The following HEMK2 variants were observed in gnomAD, a reference collection of about 807,000 sequenced individuals.
The protein encoded by HEMK2 is methyltransferase HEMK2.
At chr21:28,696,824 G>A in the HEMK2 span, among the ~76,000 whole-genome samples, 3 of 152,128 alleles carry the variant, frequency 2.0e-5, no homozygotes, top group African/African-American at 4.8e-5. Flanking sequence ...CTTGACCTCT[G>A]TACACCTGCA....
At chr21:28,741,435 GGTTT>G in the HEMK2 span, among the ~76,000 whole-genome samples, 2 of 152,080 alleles carry the variant, frequency 1.3e-5, no homozygotes, top group African/African-American at 4.8e-5. Context: ...TATATGTGCA[GGTTT>G]GTTACATAGG....
At chr21:28,831,059 A>G in the HEMK2 span, among the ~76,000 whole-genome samples, 1 of 152,136 alleles carries the variant, frequency 6.6e-6, no homozygotes, top group African/African-American at 2.4e-5. Context: ...GGTATTCAGT[A>G]AAGGAGTAGA....
the HEMK2 span, among the ~76,000 whole-genome samples, chr21:28,846,482 T>C: frequency 1.3e-5 from 2 of 152,194 alleles, no homozygotes; most frequent in South Asian, 2.1e-4. Flanking sequence ...TTTTTAACAA[T>C]AGCCATTCTA....
the HEMK2 span, among the ~76,000 whole-genome samples, chr21:28,688,202 A>G: frequency 7.2e-5 from 11 of 152,334 alleles, no homozygotes; most frequent in African/African-American, 2.4e-4. Context: ...ACAATAAAGA[A>G]TGAGAGTACA....
the HEMK2 span, among the ~76,000 whole-genome samples, chr21:28,582,345 C>G: frequency 6.6e-6 from 1 of 152,048 alleles, no homozygotes; most frequent in Admixed American, 6.5e-5. Flanking sequence ...TTTTTTTTCT[C>G]AGATGGTAAG....
At chr21:28,865,161 G>GTTTTGT in the HEMK2 span, among the ~76,000 whole-genome samples, 5 of 152,094 alleles carry the variant, frequency 3.3e-5, no homozygotes, top group African/African-American at 9.6e-5. Flanking sequence ...TTTTTCTTTT[G>GTTTTGT]TTTTGTTTTT....
chr21:28,755,357 C>T, the HEMK2 span, among the ~76,000 whole-genome samples: 7 of 152,202 alleles, frequency 4.6e-5, no homozygotes, highest in Admixed American at 4.6e-4. Flanking sequence ...TACATGTACA[C>T]ACAAACACAC....
At chr21:28,581,897 A>AG in the HEMK2 span, among the ~76,000 whole-genome samples, 1 of 152,242 alleles carries the variant, frequency 6.6e-6, no homozygotes, top group Non-Finnish European at 1.5e-5. Context: ...ACATTTTAAA[A>AG]GGGGGGAAAA....
At chr21:28,840,507 T>C in the HEMK2 span, among the ~76,000 whole-genome samples, 1 of 151,342 alleles carries the variant, frequency 6.6e-6, no homozygotes, top group African/African-American at 2.4e-5. Context: ...TGAACTCAAA[T>C]CACTAAGAAA....
the HEMK2 span, among the ~76,000 whole-genome samples, chr21:28,724,673 A>G: frequency 6.6e-6 from 1 of 152,252 alleles, no homozygotes; most frequent in African/African-American, 2.4e-5. Flanking sequence ...AAAATTAGTT[A>G]TTCCAAAAGA....
At chr21:28,863,351 G>C in the HEMK2 span, among the ~76,000 whole-genome samples, 111 of 143,108 alleles carry the variant, frequency 7.8e-4, 2 homozygotes, top group East Asian at 0.021. Context: ...TCCTCAGCCT[G>C]CAGACGGCTT....
the HEMK2 span, among the ~76,000 whole-genome samples, chr21:28,838,517 GA>G: frequency 6.7e-6 from 1 of 150,312 alleles, no homozygotes; most frequent in African/African-American, 2.5e-5. Context: ...CTGGGCGACA[GA>G]GTGAGACTCT....
chr21:28,611,169 A>C, the HEMK2 span, among the ~76,000 whole-genome samples: 1 of 152,184 alleles, frequency 6.6e-6, no homozygotes, highest in Non-Finnish European at 1.5e-5. Flanking sequence ...AATCTCAACA[A>C]ATTTAAGAAA....
the HEMK2 span, among the ~76,000 whole-genome samples, chr21:28,757,130 G>A: frequency 6.6e-6 from 1 of 152,054 alleles, no homozygotes; most frequent in Non-Finnish European, 1.5e-5. Flanking sequence ...TACAGTATTA[G>A]GAATATCAAA....
the HEMK2 span, among the ~76,000 whole-genome samples, chr21:28,817,417 T>C: frequency 1.3e-5 from 2 of 152,316 alleles, no homozygotes; most frequent in East Asian, 1.9e-4. Context: ...TCAAAAGTTA[T>C]TGATGTATTA....
At chr21:28,697,802 TTTTC>T in the HEMK2 span, among the ~76,000 whole-genome samples, 1 of 84,958 alleles carries the variant, frequency 1.2e-5, no homozygotes, top group Admixed American at 1.2e-4. Flanking sequence ...AAAAAAAATC[TTTTC>T]TTTAAGAATT....
chr21:28,843,317 C>T, the HEMK2 span, among the ~76,000 whole-genome samples: 313 of 152,100 alleles, frequency 2.1e-3, 1 homozygote, highest in African/African-American at 7.2e-3. Flanking sequence ...ATGGCAAAGG[C>T]GAAGGGGAAG....
At chr21:28,835,135 C>T in the HEMK2 span, among the ~76,000 whole-genome samples, 2 of 152,114 alleles carry the variant, frequency 1.3e-5, no homozygotes, top group Non-Finnish European at 2.9e-5. Context: ...CCTCCCCATA[C>T]TACTACAGCT....
At chr21:28,874,779 A>C in the HEMK2 span, 1 of 152,194 alleles carries the variant, frequency 6.6e-6, no homozygotes, top group Admixed American at 6.5e-5. Flanking sequence ...CTTTGTCACC[A>C]ATTTTCCAGT....
Sources: allele counts gnomAD v4.1 joint callset (sites outside exome capture counted in the v4.1 genomes callset), GRCh38; gene constraint gnomAD v4.1.1; transcripts MANE v1.5; gene names NCBI Gene and HGNC (gene_info 2026-07-23, HGNC 2026-07-21).